Variants in RASSF8 observed in about 807,000 individuals in gnomAD.
The protein encoded by RASSF8 is ras association domain-containing protein 8.
RASSF8 carries 22 observed loss-of-function variants against 48.5 expected under a neutral mutation model. The ratio of observed to expected loss-of-function variants is 0.45; its 90% confidence interval spans 0.32 to 0.65. The LOEUF (loss-of-function observed/expected upper bound fraction) is 0.65. Among genes scored for constraint, RASSF8 ranks in the 30% least tolerant of loss-of-function variants. The pLI is 0.03. For missense variants in RASSF8, 418 were observed against 489.2 expected, an observed-to-expected ratio of 0.85 and a Z score of 1.37; for synonymous variants, 127 against 171.5, an observed-to-expected ratio of 0.74 and a Z score of 2.03.
intron 2 of RASSF8, among the ~76,000 whole-genome samples, chr12:26,039,683 T>A: frequency 6.6e-6 from 1 of 152,218 alleles, no homozygotes. Flanking sequence ...CATGTCGTCT[T>A]CCATTGATTT....
In RASSF8 at chr12:26,065,110, A is replaced by G; in HGVS notation, c.716A>G (p.Gln239Arg). 1 of 1,614,068 alleles carries G rather than the reference A, an allele frequency of 6.2e-7. No homozygotes were observed. Among genetic ancestry groups the G allele is most frequent in the Non-Finnish European group, 8.5e-7 (1 of 1,179,986 alleles). ...ELQIEQENEK[Q>R]LKDQLQEIRQ... ...CAGATTGAACAGGAAAATGAAAAACAGCTGAAGGATCAACTTCAAGAAATA... is the reference window on the plus strand; with the variant it reads ...CAGATTGAACAGGAAAATGAAAAACGGCTGAAGGATCAACTTCAAGAAATA... The change falls in exon 4 of 6, where the codon CAG (glutamine) becomes CGG (arginine). Residue 239 changes from glutamine (Q) to arginine (R), a missense_variant. By Grantham distance (43) the Gln-to-Arg change is conservative. Transcript: ENST00000689635.
At chr12:26,050,038 C>T (rs1339022171) in intron 2 of RASSF8, among the ~76,000 whole-genome samples, 2 of 152,208 alleles carry the variant, frequency 1.3e-5, no homozygotes, top group African/African-American at 2.4e-5. Flanking sequence ...CCGCCTCGGC[C>T]TCCCAAAGTG....
intron 1 of RASSF8, chr12:25,973,627 A>T (rs536621621): frequency 2.0e-5 from 3 of 152,200 alleles, no homozygotes; most frequent in African/African-American, 7.2e-5. Flanking sequence ...CCATATGTTG[A>T]CATCCTAACC....
chr12:25,962,929 C>T (rs185353996), intron 1 of RASSF8, among the ~76,000 whole-genome samples: 74 of 152,228 alleles, frequency 4.9e-4, no homozygotes, highest in African/African-American at 1.4e-3. Context: ...ATTAGTGTTA[C>T]CCTTGTGACT....
chr12:26,076,892 G>C (rs1315177761), downstream of RASSF8, among the ~76,000 whole-genome samples: 4 of 152,316 alleles, frequency 2.6e-5, no homozygotes, highest in African/African-American at 9.6e-5. Context: ...CAGTGTAAAA[G>C]TGTTCCTATT....
chr12:25,988,324 T>G (rs1286116585), intron 1 of RASSF8, among the ~76,000 whole-genome samples: 1 of 152,106 alleles, frequency 6.6e-6, no homozygotes, highest in East Asian at 1.9e-4. Flanking sequence ...AACTGTCAGG[T>G]CTTTAAAAGC....
At chr12:25,958,566 G>T (rs1045456475), upstream of RASSF8, 1 of 148,306 alleles carries the variant, frequency 6.7e-6, no homozygotes, top group Non-Finnish European at 1.5e-5. Flanking sequence ...CGGCCGAGGG[G>T]GGCGCCCCCG....
chr12:26,032,164 G>A (rs191131115), intron 2 of RASSF8, among the ~76,000 whole-genome samples: 1 of 152,250 alleles, frequency 6.6e-6, no homozygotes, highest in Admixed American at 6.5e-5. Context: ...CAGTTTGTTA[G>A]CCCAGTTTAT....
Position 26,069,942 on chromosome 12 carries a change from G to A in RASSF8, c.*1124G>A. 1.0e-6 allele frequency: 1 copy of A among 979,316 alleles called. No individual in the cohort carries two copies. Among genetic ancestry groups the A allele is most frequent in the Non-Finnish European group, 1.2e-6 (1 of 824,430 alleles). 60.7% of individuals were successfully genotyped at this position (979,316 alleles called of 1,614,324 possible). ...AGCATATGTTTTTATTTTTAGGCTT[G>A]ACTTTTACAAGACATTAATCTCCAT... On this transcript the variant is annotated 3_prime_UTR_variant, in exon 6 of 6. Transcript: ENST00000689635.
At chr12:25,977,802 CTAGTT>C (rs1388793858) in intron 1 of RASSF8, among the ~76,000 whole-genome samples, 1 of 152,120 alleles carries the variant, frequency 6.6e-6, no homozygotes, top group Non-Finnish European at 1.5e-5. Flanking sequence ...GCAAAGATAA[CTAGTT>C]TTTATCATTA....
chr12:25,988,883 G>A (rs188939569), intron 1 of RASSF8, among the ~76,000 whole-genome samples: 1 of 152,312 alleles, frequency 6.6e-6, no homozygotes, highest in East Asian at 1.9e-4. Flanking sequence ...TAGAGAAACT[G>A]TCTCCTGGAG....
intron 1 of RASSF8, among the ~76,000 whole-genome samples, chr12:25,989,676 C>T (rs1941969252): frequency 6.6e-6 from 1 of 152,226 alleles, no homozygotes; most frequent in African/African-American, 2.4e-5. Context: ...TTCTCCTCTG[C>T]CACTCTTCTG....
chr12:26,000,434 C>T (rs1331341118), intron 2 of RASSF8, among the ~76,000 whole-genome samples: 2 of 152,024 alleles, frequency 1.3e-5, no homozygotes, highest in Admixed American at 1.3e-4. Flanking sequence ...TACAAAAAGG[C>T]AGTCACCTGG....
At chr12:26,053,151 G>A (rs190313284) in intron 2 of RASSF8, among the ~76,000 whole-genome samples, 95 of 150,006 alleles carry the variant, frequency 6.3e-4, no homozygotes, top group Non-Finnish European at 3.7e-4. Flanking sequence ...TTAAAAATGT[G>A]TTAAATGGAT....
At chr12:26,016,443 C>T (rs1942652327) in intron 2 of RASSF8, among the ~76,000 whole-genome samples, 1 of 151,988 alleles carries the variant, frequency 6.6e-6, no homozygotes, top group South Asian at 2.1e-4. Context: ...TGCCGTGTTA[C>T]CTTAATATGC....
intron 2 of RASSF8, among the ~76,000 whole-genome samples, chr12:26,001,560 T>A (rs1023776987): frequency 2.6e-5 from 4 of 152,202 alleles, no homozygotes; most frequent in Non-Finnish European, 5.9e-5. Context: ...TTTTTAAAAT[T>A]ATTTATTTTC....
At chr12:25,987,016 A>G (rs1026855150) in intron 1 of RASSF8, among the ~76,000 whole-genome samples, 2 of 150,442 alleles carry the variant, frequency 1.3e-5, no homozygotes, top group Non-Finnish European at 3.0e-5. Flanking sequence ...GCTCACCGCA[A>G]CCTCGCCTCC....
intron 4 of RASSF8, among the ~76,000 whole-genome samples, chr12:26,067,256 G>GT (rs1943896507): frequency 6.6e-6 from 1 of 151,980 alleles, no homozygotes; most frequent in Non-Finnish European, 1.5e-5. Flanking sequence ...TTTTGTTTTT[G>GT]TTTTTTAATG....
At chr12:26,061,558 TAGAC>T (rs891951411) in intron 3 of RASSF8, among the ~76,000 whole-genome samples, 61 of 150,178 alleles carry the variant, frequency 4.1e-4, no homozygotes, top group Non-Finnish European at 4.3e-4. Flanking sequence ...ATGCCATAGA[TAGAC>T]AGACAGACAG....
Sources: gnomAD v4.1 joint callset for allele counts (sites outside exome capture counted in the v4.1 genomes callset) on GRCh38, gnomAD v4.1.1 for gene constraint, MANE v1.5 for transcripts, NCBI Gene and HGNC (gene_info 2026-07-23, HGNC 2026-07-21) for gene names.